The following TGM1 variants were observed in gnomAD, a reference collection of about 807,000 sequenced individuals.
TGM1 encodes protein-glutamine gamma-glutamyltransferase K.
A neutral mutation model predicts 88.7 loss-of-function variants in TGM1; 63 were observed. That is an observed-to-expected ratio of 0.71 (90% CI 0.58 to 0.88). The LOEUF (loss-of-function observed/expected upper bound fraction) is 0.88. TGM1 is among the 40% of genes least tolerant of loss of function. TGM1 has a pLI of 0.00. For synonymous variants in TGM1, 415 were observed against 431.1 expected, an observed-to-expected ratio of 0.96 and a Z score of 0.46; for missense variants, 996 against 1,118.0, an observed-to-expected ratio of 0.89 and a Z score of 1.56.
rs778143033 is a variant in TGM1 at position 24,260,666 on chromosome 14, C to T, written c.541G>A (p.Val181Met). 1.3e-5 allele frequency: 21 copies of T among 1,613,998 alleles called. 1 individual carries two copies. The highest frequency in any genetic ancestry group is 6.7e-5 in the East Asian group (3 of 44,890). Residue 181 changes from valine (V) to methionine (M), a missense_variant, in exon 4 of 15, where the codon GTG (valine) becomes ATG (methionine). Val to Met is a conservative substitution (Grantham distance 21, BLOSUM62 1). Transcript: ENST00000206765. ...NNPEVGKGTH[V>M]IIPVGKGGSG... ...CCCCCCTTGCCCACTGGGATGATCACGTGCGTGCCCTTGCCCACCTCGGGG... is the reference window on the plus strand; with the variant it reads ...CCCCCCTTGCCCACTGGGATGATCATGTGCGTGCCCTTGCCCACCTCGGGG...
rs2040774782 is a variant in TGM1 at position 24,258,325 on chromosome 14, C to T, written c.1362G>A (p.Gly454=). 1 of 1,613,972 alleles carries T rather than the reference C, an allele frequency of 6.2e-7. No individual in the cohort carries two copies. The highest frequency in any genetic ancestry group is 1.3e-5 in the African/African-American group (1 of 74,916). The change falls in exon 9 of 15, where the codon GGG becomes GGA. Residue 454 remains glycine, a synonymous_variant. Transcript: ENST00000206765. ...KRPDLPSGFD[G]WQVVDATPQE... Reference sequence around the variant, plus strand: ...GGGGTGTGGCATCCACCACCTGCCACCCATCAAAGCCCGAGGGCAGATCCG... The same window carrying T: ...GGGGTGTGGCATCCACCACCTGCCATCCATCAAAGCCCGAGGGCAGATCCG...
chr14:24,258,176 G>T, intron 9 of TGM1, 109 bp downstream of exon 9: 1 of 847,424 alleles, frequency 1.2e-6, no homozygotes, highest in Non-Finnish European at 1.9e-6. Context: ...AAGCCGCGGG[G>T]TTACATGGCT....
At chr14:24,256,209 A>G (rs2040750350) in intron 9 of TGM1, 132 bp from the exon 10 acceptor site, 2 of 763,762 alleles carry the variant, frequency 2.6e-6, no homozygotes, top group Non-Finnish European at 4.6e-6. Context: ...TGGCCTCTGG[A>G]ACAAGGTCAT....
At chr14:24,254,520 T>C in intron 13 of TGM1, 144 bp downstream of exon 13, 1 of 1,339,960 alleles carries the variant, frequency 7.5e-7, no homozygotes, top group Non-Finnish European at 1.0e-6. Flanking sequence ...ATGAGGAAAC[T>C]GAGGCCCCAG....
At chr14:24,254,336 C>T in intron 13 of TGM1, 48 bp from the exon 14 acceptor site, 1 of 1,613,436 alleles carries the variant, frequency 6.2e-7, no homozygotes, top group Non-Finnish European at 8.5e-7. Context: ...CCTGGCCAAA[C>T]ACACGGGGAC....
chr14:24,258,804 G>A (rs1264486756), intron 7 of TGM1, 131 bp from the exon 8 acceptor site: 10 of 1,383,544 alleles, frequency 7.2e-6, no homozygotes, highest in East Asian at 2.4e-5. Context: ...TCAGGGCCAC[G>A]GGGGCCACAA....
intron 14 of TGM1, among the ~76,000 whole-genome samples, chr14:24,252,156 T>C (rs1330508501): frequency 6.6e-6 from 1 of 152,180 alleles, no homozygotes; most frequent in Non-Finnish European, 1.5e-5. Context: ...CTTGGAATCT[T>C]AGGTACCTGA....
At position 24,260,577 on chromosome 14, in the gene TGM1, G is replaced by A; in HGVS notation, c.630C>T (p.His210=). 1 of 1,614,228 alleles carries A rather than the reference G, an allele frequency of 6.2e-7. No homozygotes were observed. The highest frequency in any genetic ancestry group is 8.5e-7 in the Non-Finnish European group (1 of 1,180,040). The part of the protein sequence containing the change: ...ASGQNLNLRV[H]TSPNAIIGKF... ...TGCCGATGATGGCGTTGGGGGAAGT[G>A]TGGACCCGCAGGTTCAGATTCTGCC... Residue 210 remains histidine (H), a synonymous_variant, in exon 4 of 15, where the codon CAC becomes CAT. Transcript: ENST00000206765.
In TGM1 at chr14:24,249,187, GGACTCCCCCTCC is replaced by G; in HGVS notation, c.*114_*125del. 1.6e-3 allele frequency: 1 copy of G among 616 alleles called. No homozygotes were observed. Among genetic ancestry groups the G allele is most frequent in the Non-Finnish European group, 3.9e-3 (1 of 258 alleles). 0.0% of individuals were successfully genotyped at this position (616 alleles called of 1,614,324 possible). A position where few individuals can be genotyped will look rare whatever the true frequency, so the allele number is the denominator to read the frequency against. ...GACTGACTCCCTCTCCGGGAGCCCT[GGACTCCCCCTCC>G]GGGAGCCCTGGACTCCCCACCTGAG... On this transcript the variant is annotated 3_prime_UTR_variant, in exon 15 of 15. Coordinates refer to ENST00000206765, the MANE Select transcript of TGM1 (RefSeq NM_000359.3).
At chr14:24,257,257 A>T (rs1281032261) in intron 9 of TGM1, among the ~76,000 whole-genome samples, 1 of 152,130 alleles carries the variant, frequency 6.6e-6, no homozygotes, top group Non-Finnish European at 1.5e-5. Flanking sequence ...GGACTCTCTG[A>T]CCTGGGGTAA....
intron 14 of TGM1, among the ~76,000 whole-genome samples, chr14:24,252,745 C>A (rs1386531654): frequency 6.6e-6 from 1 of 152,136 alleles, no homozygotes; most frequent in Admixed American, 6.5e-5. Flanking sequence ...GGCAAGTGGG[C>A]AGGGGGTCCT....
rs2229464 is a variant in TGM1, at chr14:24,255,080, G to A, written c.1819C>T (p.Arg607Cys). 1,239 of 1,614,146 alleles carry A rather than the reference G, an allele frequency of 7.7e-4. 13 individuals carry two copies. In the African/African-American group the frequency reaches 0.015, roughly 19 times the overall value. The change falls in exon 12 of 15, where the codon CGC becomes TGC. Residue 607 changes from arginine (R) to cysteine (C), a missense_variant. Transcript: ENST00000206765. This position sits in a 1 kb window ranked among gnomAD's most constrained non-coding sequence, Gnocchi z 4.0. The part of the protein sequence containing the change: ...SVMLINHSSS[R>C]RTVKLHLYLS... Reference sequence around the variant, plus strand: ...TAGAGGTGCAGTTTCACTGTGCGGCGGCTGCTGCTGTGATTGATCAGCATC... The same window carrying A: ...TAGAGGTGCAGTTTCACTGTGCGGCAGCTGCTGCTGTGATTGATCAGCATC...
chr14:24,258,767 T>C, intron 7 of TGM1, 94 bp from the exon 8 acceptor site: 1 of 1,558,174 alleles, frequency 6.4e-7, no homozygotes, highest in Non-Finnish European at 8.7e-7. Context: ...CAACTAGGAT[T>C]GCCAAGCTGG....
chr14:24,254,064 A>G, intron 14 of TGM1, 88 bp downstream of exon 14: 1 of 1,538,072 alleles, frequency 6.5e-7, no homozygotes, highest in Non-Finnish European at 8.8e-7. Context: ...ATACTTGTCC[A>G]GACAGAGAGG....
chr14:24,260,891 G>T (rs576170013), intron 3 of TGM1, among the ~76,000 whole-genome samples, 193 bp from the exon 4 acceptor site: 27 of 152,272 alleles, frequency 1.8e-4, no homozygotes, highest in Non-Finnish European at 1.8e-4. Flanking sequence ...CACATGTTAG[G>T]GCAGTGCCGC....
chr14:24,261,786 C>A lies in TGM1; in HGVS notation c.417G>T (p.Leu139=), dbSNP rs1459226545. The stretch of plus-strand genomic sequence containing the variant: ...GGAAAGGCTGCCCGCGGCGCACTAT[C>A]AGCTCGTCGTACTCATACTCGTCTG... ...HHTDEYEYDE[L]IVRRGQPFHM... Residue 139 remains leucine, a synonymous_variant, in exon 3 of 15, where the codon CTG becomes CTT. Transcript: ENST00000206765. 3 of 1,614,114 alleles carry A rather than the reference C, an allele frequency of 1.9e-6. No homozygotes were observed. The highest frequency in any genetic ancestry group is 1.7e-5 in the Admixed American group (1 of 60,018).
At position 24,259,886 on chromosome 14, in the gene TGM1, C is replaced by G. The variant is rs1270737592; in HGVS notation, c.876+54G>C. 5 of 1,609,784 alleles carry G rather than the reference C, an allele frequency of 3.1e-6. No homozygotes were observed. In the African/African-American group the frequency reaches 4.0e-5, roughly 13 times the overall value. ...CACCCTGCTCCAATACCCCAGCCCC[C>G]ACACCCACCCCAGCTCCTCTGGGTG... On this transcript the variant is annotated intron_variant, in intron 5 of 14. Transcript: ENST00000206765. This position sits in a 1 kb window ranked among gnomAD's most constrained non-coding sequence, Gnocchi z 5.7.
Position 24,254,735 on chromosome 14 carries a change from CG to C in TGM1, c.2016del (p.His672GlnfsTer79), listed in dbSNP as rs2040730931. 1 of 1,613,954 alleles carries C rather than the reference CG, an allele frequency of 6.2e-7. No individual in the cohort carries two copies. The highest frequency in any genetic ancestry group is 1.7e-5 in the Admixed American group (1 of 60,012). On this transcript the variant is annotated frameshift_variant, in exon 13 of 15. Transcript: ENST00000206765. LOFTEE classifies it high-confidence loss of function. The part of the protein sequence containing the change: ...QGAMLLNVSG[H>X]VKESGQVLAK... ...GCCAGCACCTGCCCGCTCTCCTTGA[CG>C]TGGCCTGAGACATTGAGCAGCATGG...
In TGM1 at chr14:24,252,175, C is replaced by T. The variant is rs148916373; in HGVS notation, c.2225+1977G>A. On this transcript the variant is annotated intron_variant, in intron 14 of 14. Transcript: ENST00000206765. ...GAATCTTAGGTACCTGAACCAACAGCTCAGAGATGTCCCCCTGGAGGCTCC... is the reference window on the plus strand; with the variant it reads ...GAATCTTAGGTACCTGAACCAACAGTTCAGAGATGTCCCCCTGGAGGCTCC... Among the ~76,000 whole-genome samples, 37 of 152,334 alleles carry T rather than the reference C, an allele frequency of 2.4e-4. No individual in the cohort carries two copies. In the East Asian group the frequency reaches 6.2e-3, roughly 25 times the overall value.
Sources: allele counts gnomAD v4.1 joint callset (sites outside exome capture counted in the v4.1 genomes callset), GRCh38; gene constraint gnomAD v4.1.1; non-coding constraint Gnocchi (gnomAD v3.1); transcripts MANE v1.5; gene names NCBI Gene and HGNC (gene_info 2026-07-23, HGNC 2026-07-21).